The following PRKN variants were observed in gnomAD, a reference collection of about 807,000 sequenced individuals.
The protein encoded by PRKN is parkin RBR E3 ubiquitin protein ligase, also known as E3 ubiquitin-protein ligase parkin.
Under a neutral mutation model 59.5 loss-of-function variants are expected in PRKN, and 56 were observed. That is an observed-to-expected ratio of 0.94 (90% CI 0.76 to 1.18). The LOEUF (loss-of-function observed/expected upper bound fraction) is 1.18, where lower values mean the gene tolerates loss of function less well. PRKN is among the 50% of genes most tolerant of loss of function. The pLI is 0.00. For synonymous variants in PRKN, 250 were observed against 222.1 expected (o/e 1.13, Z -1.12); for missense variants, 657 against 596.4 (o/e 1.10, Z -1.06).
chr6:162,338,850 C>T (rs568170969), intron 2 of PRKN, among the ~76,000 whole-genome samples: 26 of 150,384 alleles, frequency 1.7e-4, no homozygotes, highest in Admixed American at 1.3e-3. Context: ...AAGTGAGGAG[C>T]GTCTCTGCCC....
chr6:162,516,168 T>C (rs1289570968), intron 1 of PRKN, among the ~76,000 whole-genome samples: 1 of 152,192 alleles, frequency 6.6e-6, no homozygotes, highest in African/African-American at 2.4e-5. Flanking sequence ...GATGACTGAA[T>C]TCATCTTTGA....
At chr6:162,513,245 G>A (rs971302276) in intron 1 of PRKN, among the ~76,000 whole-genome samples, 14 of 152,082 alleles carry the variant, frequency 9.2e-5, no homozygotes, top group Non-Finnish European at 1.3e-4. Flanking sequence ...TTGGGAGGTC[G>A]AGGCAGGCAG....
rs564243132 is a variant in PRKN at position 161,447,315 on chromosome 6, C to A, written c.1084-60438G>T. Reference sequence around the variant, plus strand: ...CGCGGCTAAACCCTAAAATTCACTTCGAAACTCCTAACAGCAGAATTCCCC... The same window carrying A: ...CGCGGCTAAACCCTAAAATTCACTTAGAAACTCCTAACAGCAGAATTCCCC... On this transcript the variant is annotated intron_variant, in intron 9 of 11. Coordinates refer to ENST00000366898, the MANE Select transcript of PRKN (RefSeq NM_004562.3). The surrounding 1 kb of genome is among the most constrained non-coding windows in gnomAD (Gnocchi z 4.1). 6.6e-6 allele frequency among the ~76,000 whole-genome samples: 1 copy of A among 152,178 alleles called. No homozygotes were observed. The highest frequency in any genetic ancestry group is 1.5e-5 in the Non-Finnish European group (1 of 68,046).
chr6:161,601,000 G>A (rs1782085477), intron 7 of PRKN, among the ~76,000 whole-genome samples: 1 of 152,118 alleles, frequency 6.6e-6, no homozygotes, highest in Non-Finnish European at 1.5e-5. Flanking sequence ...TAATTCATCA[G>A]TGTATTTATT....
chr6:162,599,953 G>C (rs572519549), intron 1 of PRKN, among the ~76,000 whole-genome samples: 1 of 152,222 alleles, frequency 6.6e-6, no homozygotes, highest in South Asian at 2.1e-4. Context: ...CCAAATACCA[G>C]GCCAGGTAAC....
At chr6:162,065,998 C>T (rs1002043101) in intron 4 of PRKN, among the ~76,000 whole-genome samples, 3 of 152,080 alleles carry the variant, frequency 2.0e-5, no homozygotes, top group Non-Finnish European at 4.4e-5. Flanking sequence ...GGTTCCAAGT[C>T]TTTGCTATTG....
chr6:162,617,151 A>G (rs1365858071), intron 1 of PRKN, among the ~76,000 whole-genome samples: 4 of 152,112 alleles, frequency 2.6e-5, no homozygotes, highest in Non-Finnish European at 5.9e-5. Flanking sequence ...CATATGCATC[A>G]CCTCACCCTA....
At chr6:161,572,446 G>C (rs187447120) in intron 7 of PRKN, among the ~76,000 whole-genome samples, 3 of 152,168 alleles carry the variant, frequency 2.0e-5, no homozygotes, top group African/African-American at 4.8e-5. Flanking sequence ...AGGATCACAA[G>C]GTCAGGAGTT....
chr6:162,051,311 T>A (rs1436240313), intron 5 of PRKN, among the ~76,000 whole-genome samples: 2 of 152,118 alleles, frequency 1.3e-5, no homozygotes, highest in South Asian at 4.1e-4. Context: ...GCCTTAAGCA[T>A]CCCGAATGCT....
At position 161,537,652 on chromosome 6, in the gene PRKN, C is replaced by T. The variant is rs548536981; in HGVS notation, c.1083+11202G>A. 3.9e-4 allele frequency among the ~76,000 whole-genome samples: 60 copies of T among 152,166 alleles called. No homozygotes were observed. In the East Asian group the frequency reaches 4.9e-3, roughly 12 times the overall value. Reference sequence around the variant, plus strand: ...GTTTTTAGTAGAGACGGGGTTTCACCATGTTAGCCTGGATGGTCTCGATCT... The same window carrying T: ...GTTTTTAGTAGAGACGGGGTTTCACTATGTTAGCCTGGATGGTCTCGATCT... On this transcript the variant is annotated intron_variant, in intron 9 of 11. Transcript: ENST00000366898.
In PRKN at chr6:162,239,831, G is replaced by C. The variant is rs1778910066; in HGVS notation, c.412+22694C>G. ...ACTATTTTTATATTTTTAATATTTT[G>C]GTCCAATCACTACTCTATACAACTT... On this transcript the variant is annotated intron_variant, in intron 3 of 11. Coordinates refer to ENST00000366898, the MANE Select transcript of PRKN (RefSeq NM_004562.3). Among the ~76,000 whole-genome samples, 5 of 150,936 alleles carry C rather than the reference G, an allele frequency of 3.3e-5. No homozygotes were observed. In the South Asian group the frequency reaches 1.0e-3, roughly 32 times the overall value.
intron 5 of PRKN, among the ~76,000 whole-genome samples, chr6:161,981,026 C>T (rs530800028): frequency 6.6e-6 from 1 of 152,282 alleles, no homozygotes; most frequent in Admixed American, 6.5e-5. Context: ...AAAGACTATC[C>T]ATCCAAATTT....
intron 8 of PRKN, among the ~76,000 whole-genome samples, chr6:161,564,444 T>C (rs1780564108): frequency 6.6e-6 from 1 of 152,166 alleles, no homozygotes. Context: ...GGGGAACTCA[T>C]GGGCAATCAG....
intron 7 of PRKN, among the ~76,000 whole-genome samples, chr6:161,636,902 C>T (rs530714049): frequency 4.6e-5 from 7 of 152,222 alleles, no homozygotes; most frequent in African/African-American, 1.7e-4. Flanking sequence ...CACTGGAGAA[C>T]TGCCTGAGCG....
At chr6:162,167,972 T>C (rs1783066269) in intron 4 of PRKN, among the ~76,000 whole-genome samples, 1 of 152,184 alleles carries the variant, frequency 6.6e-6, no homozygotes, top group African/African-American at 2.4e-5. Flanking sequence ...AATAAAAACG[T>C]CATTTTTTCA....
At chr6:161,782,838 G>A (rs956400275) in intron 7 of PRKN, among the ~76,000 whole-genome samples, 5 of 151,990 alleles carry the variant, frequency 3.3e-5, no homozygotes, top group Non-Finnish European at 7.4e-5. Flanking sequence ...AGGTTGCAGT[G>A]AGCCGAGATC....
At chr6:161,883,489 G>A (rs909041508) in intron 6 of PRKN, among the ~76,000 whole-genome samples, 1 of 147,606 alleles carries the variant, frequency 6.8e-6, no homozygotes, top group Non-Finnish European at 1.5e-5. Context: ...TCTGACAAAG[G>A]GAAGGGAAGG....
intron 7 of PRKN, among the ~76,000 whole-genome samples, chr6:161,770,007 C>T (rs1451166486): frequency 6.6e-6 from 1 of 152,158 alleles, no homozygotes; most frequent in Non-Finnish European, 1.5e-5. Context: ...CAAATGCTGT[C>T]CTAGCCACCT....
intron 6 of PRKN, among the ~76,000 whole-genome samples, chr6:161,793,799 T>C (rs1463485294): frequency 6.6e-6 from 1 of 152,206 alleles, no homozygotes; most frequent in East Asian, 1.9e-4. Context: ...TAAAGGTTTT[T>C]AACAAATTAC....
Sources: gnomAD v4.1 joint callset for allele counts (sites outside exome capture counted in the v4.1 genomes callset) on GRCh38, gnomAD v4.1.1 for gene constraint, Gnocchi (gnomAD v3.1) non-coding constraint, MANE v1.5 for transcripts, NCBI Gene and HGNC (gene_info 2026-07-23, HGNC 2026-07-21) for gene names.